Variants in SEM1 observed in about 807,000 individuals in gnomAD.
SEM1 encodes SEM1 26S proteasome subunit.
In SEM1, 3 loss-of-function variants were observed where a neutral mutation model predicts 12.7. The ratio of observed to expected loss-of-function variants is 0.24; its 90% CI spans 0.11 to 0.61. SEM1 has a LOEUF of 0.61. SEM1 is among the 20% of genes least tolerant of loss of function. The probability of loss-of-function intolerance (pLI) is 0.88; values close to 1 mark genes in which losing one functional copy is unlikely to be tolerated. For synonymous variants in SEM1, 30 were observed against 27.8 expected, an observed-to-expected ratio of 1.08 and a Z score of -0.25; for missense variants, 59 against 81.3, an observed-to-expected ratio of 0.73 and a Z score of 1.06.
At chr7:96,484,017 G>C (rs1416100024) in intron 3 of SEM1, 1 of 1,471,650 alleles carries the variant, frequency 6.8e-7, no homozygotes, top group African/African-American at 1.4e-5. Flanking sequence ...AATGCTGTGG[G>C]CCAGGAATCA....
At chr7:96,658,725 T>G (rs771576570) in intron 2 of SEM1, among the ~76,000 whole-genome samples, 3 of 152,196 alleles carry the variant, frequency 2.0e-5, no homozygotes, top group Non-Finnish European at 4.4e-5. Context: ...TCTTTGGGGC[T>G]ACTCCCTGTG....
chr7:96,535,341 G>A (rs1804754830), intron 2 of SEM1, among the ~76,000 whole-genome samples: 1 of 151,724 alleles, frequency 6.6e-6, no homozygotes, highest in South Asian at 2.1e-4. Flanking sequence ...AAGACATATG[G>A]TTAACTTTGT....
At chr7:96,672,053 A>G (rs928595337), downstream of SEM1, among the ~76,000 whole-genome samples, 3 of 152,210 alleles carry the variant, frequency 2.0e-5, no homozygotes, top group East Asian at 3.8e-4. Context: ...ATTGGGTGAA[A>G]GTCTGTGGTA....
intron 2 of SEM1, among the ~76,000 whole-genome samples, chr7:96,662,417 G>T (rs113037905): frequency 3.3e-5 from 5 of 152,062 alleles, no homozygotes; most frequent in African/African-American, 1.2e-4. Context: ...ACTAACACAG[G>T]AACAGAAAAC....
At chr7:96,641,555 T>A (rs1808610578) in intron 2 of SEM1, among the ~76,000 whole-genome samples, 1 of 152,056 alleles carries the variant, frequency 6.6e-6, no homozygotes, top group Non-Finnish European at 1.5e-5. Context: ...GTACATTTTG[T>A]TTTAAATTCA....
rs573738231 is a variant in SEM1, at chr7:96,657,964, A to C, written c.171-35321T>G. ...CATGGACCGGCAGGACTGAGAAGCC[A>C]CCTGCTGACAGGGTCTTTCTTCCTC... On this transcript the variant is annotated intron_variant, in intron 2 of 2. Coordinates refer to the SEM1 transcript ENST00000417009. Among the ~76,000 whole-genome samples, 10 of 152,294 alleles carry C rather than the reference A, an allele frequency of 6.6e-5. No individual in the cohort carries two copies. In the East Asian group the frequency reaches 1.7e-3, roughly 26 times the overall value.
At position 96,605,850 on chromosome 7, in the gene SEM1, C is replaced by T. The variant is rs975702152; in HGVS notation, c.170+88948G>A. On this transcript the variant is annotated intron_variant and NMD_transcript_variant, in intron 2 of 3. Coordinates refer to the SEM1 transcript ENST00000466986. Reference sequence around the variant, plus strand: ...TACACAATTCATAAGTTTTAAATTGCATTCTCTTCTGAGTAGTGTGAGGCA... The same window carrying T: ...TACACAATTCATAAGTTTTAAATTGTATTCTCTTCTGAGTAGTGTGAGGCA... 3.3e-5 allele frequency among the ~76,000 whole-genome samples: 5 copies of T among 152,246 alleles called. No homozygotes were observed. In the South Asian group the frequency reaches 1.0e-3, roughly 32 times the overall value.
At chr7:96,601,291 ATAC>A (rs1232290583) in intron 2 of SEM1, among the ~76,000 whole-genome samples, 1 of 152,214 alleles carries the variant, frequency 6.6e-6, no homozygotes, top group African/African-American at 2.4e-5. Context: ...AATAAAAGAC[ATAC>A]TAAATGATTA....
intron 2 of SEM1, among the ~76,000 whole-genome samples, chr7:96,509,999 A>G (rs748765178): frequency 1.3e-5 from 2 of 152,112 alleles, no homozygotes; most frequent in Non-Finnish European, 2.9e-5. Context: ...CAAAAATGTG[A>G]TATACTTAAT....
chr7:96,516,852 A>G lies in SEM1; in HGVS notation c.171-10154T>C, dbSNP rs142484052. On this transcript the variant is annotated intron_variant and NMD_transcript_variant, in intron 2 of 3. Transcript: ENST00000466986. ...TCCTTCAATAAGTGAATGAATAAGT[A>G]AACTGTGTTGTGTAAAGACAATGGA... Among the ~76,000 whole-genome samples the G allele has an allele frequency of 7.0e-4, 107 of 152,304 alleles. 1 individual carries two copies. The East Asian group carries it at 0.015, about 21-fold the overall frequency.
At chr7:96,701,404 A>G (rs968508991) in intron 1 of SEM1, among the ~76,000 whole-genome samples, 12 of 152,156 alleles carry the variant, frequency 7.9e-5, no homozygotes, top group African/African-American at 2.4e-4. Flanking sequence ...TTCTGCCACA[A>G]GAGAACACAG....
At chr7:96,521,692 C>T (rs561673528) in intron 2 of SEM1, among the ~76,000 whole-genome samples, 84 of 152,178 alleles carry the variant, frequency 5.5e-4, no homozygotes, top group African/African-American at 1.9e-3. Context: ...CTGAATTACA[C>T]GCTGACCAAA....
At chr7:96,615,760 T>C (rs979943149) in intron 2 of SEM1, among the ~76,000 whole-genome samples, 6 of 152,198 alleles carry the variant, frequency 3.9e-5, no homozygotes, top group Non-Finnish European at 8.8e-5. Flanking sequence ...TTCCCACCTT[T>C]TGTAGTCTCC....
At chr7:96,701,382 T>C (rs1052133356) in intron 1 of SEM1, among the ~76,000 whole-genome samples, 1 of 152,110 alleles carries the variant, frequency 6.6e-6, no homozygotes, top group African/African-American at 2.4e-5. Context: ...CCAGAGAGCA[T>C]GCACTCTTTC....
intron 2 of SEM1, among the ~76,000 whole-genome samples, chr7:96,558,453 A>C (rs1468441006): frequency 3.3e-5 from 5 of 152,204 alleles, no homozygotes; most frequent in Non-Finnish European, 7.3e-5. Flanking sequence ...GAGTTTAATC[A>C]GCTGAGCAAA....
chr7:96,554,065 A>G (rs951171727), intron 2 of SEM1, among the ~76,000 whole-genome samples: 1 of 151,666 alleles, frequency 6.6e-6, no homozygotes, highest in African/African-American at 2.4e-5. Flanking sequence ...GACTTTGCTG[A>G]ATTTGCTTAT....
chr7:96,517,015 T>C (rs570354657), intron 2 of SEM1, among the ~76,000 whole-genome samples: 1 of 152,214 alleles, frequency 6.6e-6, no homozygotes, highest in East Asian at 1.9e-4. Flanking sequence ...ATGACATTCT[T>C]GAAAAGGTAA....
At chr7:96,522,424 T>C (rs1804305433) in intron 2 of SEM1, among the ~76,000 whole-genome samples, 1 of 152,112 alleles carries the variant, frequency 6.6e-6, no homozygotes, top group African/African-American at 2.4e-5. Flanking sequence ...AGTCAACTAG[T>C]AGGCACTGTT....
At chr7:96,580,236 T>A (rs1806348829) in intron 2 of SEM1, among the ~76,000 whole-genome samples, 1 of 148,576 alleles carries the variant, frequency 6.7e-6, no homozygotes, top group South Asian at 2.2e-4. Context: ...TTTTTGTTCT[T>A]GTGATAGTTT....
Sources: allele counts gnomAD v4.1 joint callset (sites outside exome capture counted in the v4.1 genomes callset), GRCh38; gene constraint gnomAD v4.1.1; transcripts MANE v1.5; gene names NCBI Gene and HGNC (gene_info 2026-07-23, HGNC 2026-07-21).